ZNF438: variants seen among roughly 807,000 people sequenced by gnomAD.
ZNF438 encodes the protein zinc finger protein 438.
Under a neutral mutation model 38.0 loss-of-function variants are expected in ZNF438, and 25 were observed. The ratio of observed to expected loss-of-function variants is 0.66; its 90% CI spans 0.48 to 0.92. ZNF438 has a LOEUF of 0.92. Among genes scored for constraint, ZNF438 ranks in the 40% least tolerant of loss-of-function variants. The pLI is 0.00. For missense variants in ZNF438, 1,007 were observed against 999.6 expected, an observed-to-expected ratio of 1.01 and a Z score of -0.10; for synonymous variants, 372 against 364.1, an observed-to-expected ratio of 1.02 and a Z score of -0.25.
intron 3 of ZNF438, among the ~76,000 whole-genome samples, chr10:30,903,378 C>T (rs2042256329): frequency 6.6e-6 from 1 of 152,146 alleles, no homozygotes; most frequent in African/African-American, 2.4e-5. Context: ...TAAGAAAACA[C>T]CATCACTTCT....
intron 1 of ZNF438, among the ~76,000 whole-genome samples, chr10:30,955,858 C>T (rs1350852515): frequency 2.0e-5 from 3 of 152,132 alleles, no homozygotes; most frequent in Non-Finnish European, 4.4e-5. Context: ...CACAATGTCC[C>T]ATTACCACCT....
chr10:30,950,555 A>G (rs547874518), intron 1 of ZNF438, among the ~76,000 whole-genome samples: 67 of 152,108 alleles, frequency 4.4e-4, no homozygotes, highest in African/African-American at 1.4e-3. Flanking sequence ...ATAAAAAATG[A>G]TAAAGGGGAT....
chr10:30,917,557 C>T (rs1017492535), intron 2 of ZNF438, among the ~76,000 whole-genome samples: 3 of 152,118 alleles, frequency 2.0e-5, no homozygotes, highest in South Asian at 2.1e-4. Context: ...TGACAAATGA[C>T]GCTGATCACA....
chr10:31,003,622 A>G (rs1271087685), intron 1 of ZNF438, among the ~76,000 whole-genome samples: 1 of 152,216 alleles, frequency 6.6e-6, no homozygotes, highest in Non-Finnish European at 1.5e-5. Context: ...GTGTTTAAGC[A>G]CTAAACTAAA....
intron 4 of ZNF438, among the ~76,000 whole-genome samples, chr10:30,852,359 C>T (rs1342924254): frequency 6.6e-6 from 1 of 151,962 alleles, no homozygotes; most frequent in Non-Finnish European, 1.5e-5. Context: ...CAGGCATGTG[C>T]CACCACACCC....
At chr10:30,901,725 T>C (rs1208464433) in intron 3 of ZNF438, among the ~76,000 whole-genome samples, 6 of 151,518 alleles carry the variant, frequency 4.0e-5, no homozygotes, top group African/African-American at 1.5e-4. Flanking sequence ...GTCGCCAAAA[T>C]GTGTCCGCAA....
At chr10:30,936,491 T>C (rs1052112175) in intron 2 of ZNF438, among the ~76,000 whole-genome samples, 15 of 152,146 alleles carry the variant, frequency 9.9e-5, no homozygotes, top group African/African-American at 1.9e-4. Context: ...CTGGCCAAGA[T>C]GGTGAAACCC....
chr10:30,893,648 G>T (rs2040979837), intron 3 of ZNF438, among the ~76,000 whole-genome samples: 1 of 152,118 alleles, frequency 6.6e-6, no homozygotes, highest in South Asian at 2.1e-4. Context: ...AAGATGAAAT[G>T]GTGTCTTGAC....
intron 3 of ZNF438, among the ~76,000 whole-genome samples, chr10:30,896,809 AGG>A (rs1016109880): frequency 3.9e-5 from 6 of 152,212 alleles, no homozygotes; most frequent in African/African-American, 1.4e-4. Flanking sequence ...ACACTTAAAA[AGG>A]GTTAAGAAGG....
At chr10:30,963,628 C>G (rs1056065643) in intron 1 of ZNF438, among the ~76,000 whole-genome samples, 1 of 152,054 alleles carries the variant, frequency 6.6e-6, no homozygotes, top group African/African-American at 2.4e-5. Flanking sequence ...AATCCCAGCA[C>G]TTTGGGAGGC....
chr10:31,031,500 G>A (rs1399302027), intron 1 of ZNF438, among the ~76,000 whole-genome samples: 1 of 152,182 alleles, frequency 6.6e-6, no homozygotes, highest in African/African-American at 2.4e-5. Context: ...GGAAGAAAAG[G>A]AATCTAAGTC....
intron 2 of ZNF438, among the ~76,000 whole-genome samples, chr10:30,936,444 C>T (rs1431683258): frequency 6.6e-6 from 1 of 152,132 alleles, no homozygotes; most frequent in Non-Finnish European, 1.5e-5. Flanking sequence ...GAGGCCAAGG[C>T]AGGCAGATCA....
rs1449714818 is a variant in ZNF438, at chr10:30,999,940, TTTTC to T, written c.-192+31889_-192+31892del. ...ATTAAAATTTTAGCAAATAGGTATA[TTTTC>T]TTTATTTGTCTTTTTAGAAGATGAG... On this transcript the variant is annotated intron_variant, in intron 1 of 5. Transcript: ENST00000413025. Among the ~76,000 whole-genome samples, 13 of 152,208 alleles carry T rather than the reference TTTTC, an allele frequency of 8.5e-5. 1 individual carries two copies. The highest frequency in any genetic ancestry group is 2.9e-5 in the Non-Finnish European group (2 of 68,038).
chr10:30,949,333 C>T (rs2047866142), intron 1 of ZNF438, among the ~76,000 whole-genome samples: 1 of 152,170 alleles, frequency 6.6e-6, no homozygotes. Context: ...TACGAAGAAA[C>T]TGCATCAACT....
At chr10:30,955,211 T>C (rs1439349549) in intron 1 of ZNF438, among the ~76,000 whole-genome samples, 1 of 152,110 alleles carries the variant, frequency 6.6e-6, no homozygotes, top group Non-Finnish European at 1.5e-5. Flanking sequence ...AGTTGGAAAA[T>C]AATTTTGGGA....
At chr10:30,973,228 T>C (rs777870017) in intron 1 of ZNF438, among the ~76,000 whole-genome samples, 1 of 152,206 alleles carries the variant, frequency 6.6e-6, no homozygotes, top group Non-Finnish European at 1.5e-5. Flanking sequence ...TTCTCCCCTG[T>C]ATGCCCTCAT....
intron 1 of ZNF438, among the ~76,000 whole-genome samples, chr10:30,946,311 A>C (rs1481177655): frequency 1.3e-5 from 2 of 152,184 alleles, no homozygotes; most frequent in East Asian, 3.8e-4. Context: ...AAAACACCAA[A>C]AGCAATGGCA....
chr10:30,943,639 C>G (rs1460528806), intron 1 of ZNF438, among the ~76,000 whole-genome samples: 2 of 152,036 alleles, frequency 1.3e-5, no homozygotes, highest in East Asian at 3.9e-4. Context: ...TACTTTCAAG[C>G]CTGGTGGTGA....
intron 2 of ZNF438, among the ~76,000 whole-genome samples, chr10:30,926,504 A>G (rs1429671569): frequency 6.6e-6 from 1 of 152,118 alleles, no homozygotes; most frequent in Non-Finnish European, 1.5e-5. Flanking sequence ...CATCTCTACT[A>G]AAAATACAAA....
Sources: allele counts gnomAD v4.1 joint callset (sites outside exome capture counted in the v4.1 genomes callset), GRCh38; gene constraint gnomAD v4.1.1; transcripts MANE v1.5; gene names NCBI Gene and HGNC (gene_info 2026-07-23, HGNC 2026-07-21).